Variants in PMPCB observed in about 807,000 individuals in gnomAD.
PMPCB encodes mitochondrial-processing peptidase subunit beta.
PMPCB carries 46 observed loss-of-function variants against 61.5 expected under a neutral mutation model. The ratio of observed to expected loss-of-function variants is 0.75; its 90% confidence interval spans 0.59 to 0.96. PMPCB has a LOEUF of 0.96. Ranked by LOEUF, PMPCB falls within the 40% of genes least tolerant of loss-of-function variation. The probability of loss-of-function intolerance (pLI) is 0.00; values close to 1 mark genes in which losing one functional copy is unlikely to be tolerated. For missense variants in PMPCB, 590 were observed against 602.4 expected, an observed-to-expected ratio of 0.98 and a Z score of 0.22; for synonymous variants, 191 against 201.6, an observed-to-expected ratio of 0.95 and a Z score of 0.44.
chr7:103,333,819 T>C (rs73175842), downstream of PMPCB, among the ~76,000 whole-genome samples: 2 of 152,344 alleles, frequency 1.3e-5, no homozygotes, highest in Non-Finnish European at 2.9e-5. Context: ...TATTGGCAAT[T>C]TGTTCTTTTA....
the PMPCB span, chr7:103,337,496 C>T: frequency 2.6e-6 from 1 of 389,064 alleles, no homozygotes; most frequent in South Asian, 5.3e-5. Context: ...TTTGTATCCA[C>T]ACACACACAC....
the PMPCB span, among the ~76,000 whole-genome samples, chr7:103,345,474 C>T: frequency 8.5e-5 from 13 of 152,060 alleles, no homozygotes; most frequent in Admixed American, 1.3e-4. Flanking sequence ...TCACCCCCAA[C>T]AGCAGTATCT....
At chr7:103,320,564 T>C (rs1818330293) in intron 12 of PMPCB, among the ~76,000 whole-genome samples, 1 of 150,814 alleles carries the variant, frequency 6.6e-6, no homozygotes, top group Non-Finnish European at 1.5e-5. Flanking sequence ...ATCGAGACCA[T>C]CCTGGCTAAC....
intron 5 of PMPCB, 99 bp downstream of exon 5, chr7:103,304,139 C>A: frequency 1.0e-6 from 1 of 973,266 alleles, no homozygotes; most frequent in Non-Finnish European, 1.5e-6. Flanking sequence ...AAGTAATTTT[C>A]CCCCTGGTAA....
downstream of PMPCB, among the ~76,000 whole-genome samples, chr7:103,330,613 G>A (rs1210835140): frequency 1.3e-5 from 2 of 151,924 alleles, no homozygotes; most frequent in Non-Finnish European, 2.9e-5. Context: ...CACTACGCCC[G>A]GCTAATTTTT....
chr7:103,308,890 T>C, intron 7 of PMPCB, 62 bp from the exon 8 acceptor site: 1 of 1,342,760 alleles, frequency 7.4e-7, no homozygotes, highest in Non-Finnish European at 9.9e-7. Context: ...TTTTTCCTTG[T>C]TAATAAGCAT....
the PMPCB span, chr7:103,341,782 A>G: frequency 6.3e-7 from 1 of 1,585,048 alleles, no homozygotes; most frequent in Non-Finnish European, 8.6e-7. Flanking sequence ...CTTTGGGATC[A>G]AGTGTTTTCA....
chr7:103,322,631 G>A, intron 12 of PMPCB: 1 of 1,612,918 alleles, frequency 6.2e-7, no homozygotes, highest in Non-Finnish European at 8.5e-7. Flanking sequence ...TGTATGCATT[G>A]TCTAGCAAAA....
At chr7:103,324,850 C>G (rs142226063) in intron 12 of PMPCB, 118 of 185,632 alleles carry the variant, frequency 6.4e-4, no homozygotes, top group African/African-American at 2.5e-3. Flanking sequence ...GCCATAGCAG[C>G]TGCTAGGCAG....
downstream of PMPCB, among the ~76,000 whole-genome samples, chr7:103,332,007 ATTT>A (rs56703501): frequency 1.8e-4 from 24 of 134,042 alleles, no homozygotes; most frequent in African/African-American, 4.0e-4. Flanking sequence ...TAAATTTGCT[ATTT>A]TTTTTTTTTT....
Position 103,312,437 on chromosome 7 carries a change from A to T in PMPCB, c.*166A>T. On this transcript the variant is annotated 3_prime_UTR_variant, in exon 13 of 13. Transcript: ENST00000249269. ...TGAAGGTTGTTTTGTATTAATGGTC[A>T]GTCTTTGTTCTCTGAGAAATTATGT... 6.6e-7 allele frequency: 1 copy of T among 1,515,106 alleles called. No homozygotes were observed. Among genetic ancestry groups the T allele is most frequent in the Non-Finnish European group, 8.8e-7 (1 of 1,140,968 alleles). 93.9% of individuals were successfully genotyped at this position (1,515,106 alleles called of 1,614,324 possible). A position where few individuals can be genotyped will look rare whatever the true frequency, so the allele number is the denominator to read the frequency against.
At chr7:103,301,393 A>C (rs1257987523) in intron 4 of PMPCB, among the ~76,000 whole-genome samples, 1 of 152,258 alleles carries the variant, frequency 6.6e-6, no homozygotes, top group East Asian at 1.9e-4. Flanking sequence ...CAATAGAGAC[A>C]GTTTTTGTCC....
chr7:103,324,214 G>A (rs529775369), intron 12 of PMPCB, among the ~76,000 whole-genome samples: 1 of 152,244 alleles, frequency 6.6e-6, no homozygotes, highest in South Asian at 2.1e-4. Context: ...AGTACTTTTA[G>A]TAGGAAGTAA....
At chr7:103,315,425 TTC>T (rs1281041154), downstream of PMPCB, among the ~76,000 whole-genome samples, 1 of 152,164 alleles carries the variant, frequency 6.6e-6, no homozygotes. Flanking sequence ...TAAGGACATT[TTC>T]TTATATAATT....
At chr7:103,338,778 C>T in the PMPCB span, among the ~76,000 whole-genome samples, 12 of 151,950 alleles carry the variant, frequency 7.9e-5, no homozygotes, top group East Asian at 2.0e-4. Context: ...GGCGTGGTGG[C>T]GCCCACCTGT....
chr7:103,331,314 A>G (rs1442605395), downstream of PMPCB, among the ~76,000 whole-genome samples: 1 of 152,220 alleles, frequency 6.6e-6, no homozygotes, highest in Non-Finnish European at 1.5e-5. Flanking sequence ...AAGTCAGGGT[A>G]TTTGGGTATC....
chr7:103,313,083 G>C lies in PMPCB; in HGVS notation c.*812G>C, dbSNP rs371471865. On this transcript the variant is annotated 3_prime_UTR_variant, in exon 13 of 13. Coordinates refer to ENST00000249269, the MANE Select transcript of PMPCB (RefSeq NM_004279.3). ...CTTCTGTTCTTCTGTTGTCCAAGGG[G>C]TGAAGTCTGTATATGGACCTGATTA... 41 of 1,613,102 alleles carry C rather than the reference G, an allele frequency of 2.5e-5. No individual in the cohort carries two copies. In the African/African-American group the frequency reaches 5.3e-4, roughly 21 times the overall value.
At chr7:103,307,906 G>T (rs1817631485) in intron 7 of PMPCB, among the ~76,000 whole-genome samples, 198 bp downstream of exon 7, 1 of 152,012 alleles carries the variant, frequency 6.6e-6, no homozygotes, top group Non-Finnish European at 1.5e-5. Context: ...AGGAAGCAAG[G>T]TTTTTTTTGT....
At chr7:103,304,782 G>A (rs1817535106) in intron 6 of PMPCB, among the ~76,000 whole-genome samples, 1 of 152,058 alleles carries the variant, frequency 6.6e-6, no homozygotes, top group South Asian at 2.1e-4. Context: ...CTAATATGGT[G>A]AAACCCCATG....
Sources: allele counts gnomAD v4.1 joint callset (sites outside exome capture counted in the v4.1 genomes callset), GRCh38; gene constraint gnomAD v4.1.1; transcripts MANE v1.5; gene names NCBI Gene and HGNC (gene_info 2026-07-23, HGNC 2026-07-21).